KIF5C: variants seen among roughly 807,000 people sequenced by gnomAD.
KIF5C encodes kinesin heavy chain isoform 5C.
In KIF5C, 18 loss-of-function variants were observed where a neutral mutation model predicts 125.2. The observed-to-expected ratio is 0.14, with a 90% CI of 0.10 to 0.21. The LOEUF (loss-of-function observed/expected upper bound fraction) is 0.21. KIF5C is among the 10% of genes least tolerant of loss of function. KIF5C has a pLI of 1.00. For missense variants in KIF5C, 780 were observed against 1,183.8 expected (o/e 0.66, Z 5.01); for synonymous variants, 405 against 434.0 (o/e 0.93, Z 0.83).
At chr2:148,890,065 T>C (rs1264786601) in intron 1 of KIF5C, among the ~76,000 whole-genome samples, 1 of 152,220 alleles carries the variant, frequency 6.6e-6, no homozygotes, top group African/African-American at 2.4e-5. Flanking sequence ...GAGGTCCTTT[T>C]TGGTGCCTTA....
At chr2:148,943,136 C>T (rs1682445482) in intron 7 of KIF5C, among the ~76,000 whole-genome samples, 1 of 152,018 alleles carries the variant, frequency 6.6e-6, no homozygotes, top group Non-Finnish European at 1.5e-5. Context: ...AGTTCCAAAC[C>T]AACAAATTCT....
chr2:148,994,516 G>A lies in KIF5C; in HGVS notation c.2001G>A (p.Glu667=), dbSNP rs1321308825. 1 of 1,565,930 alleles carries A rather than the reference G, an allele frequency of 6.4e-7. No homozygotes were observed. Among genetic ancestry groups the A allele is most frequent in the South Asian group, 1.2e-5 (1 of 84,774 alleles). ...AGTCCCAGGACTCGCTCAGCGAAGA[G>A]CTGGCAAAGCTCCGAGCCCAGGGTA... ...LEESQDSLSE[E]LAKLRAQEKM... is the part of the protein sequence containing the mutation. Residue 667 remains glutamate, a synonymous_variant, in exon 17 of 26, where the codon GAG becomes GAA. Coordinates refer to ENST00000435030, the MANE Select transcript of KIF5C (RefSeq NM_004522.3).
intron 1 of KIF5C, among the ~76,000 whole-genome samples, chr2:148,905,136 C>A (rs912977769): frequency 6.6e-6 from 1 of 151,850 alleles, no homozygotes; most frequent in African/African-American, 2.4e-5. Flanking sequence ...TTTTCACTTA[C>A]AACAGTAATA....
chr2:148,998,245 G>A (rs890699138), intron 18 of KIF5C, 155 bp from the exon 19 acceptor site: 8 of 1,252,546 alleles, frequency 6.4e-6, no homozygotes, highest in South Asian at 3.1e-5. Context: ...AAGCAAGGCC[G>A]GGTCCTGGGG....
intron 1 of KIF5C, among the ~76,000 whole-genome samples, chr2:148,909,893 T>C (rs1474316464): frequency 1.3e-5 from 2 of 152,180 alleles, no homozygotes; most frequent in Admixed American, 1.3e-4. Flanking sequence ...TGTGCGACTA[T>C]TATGTGTTGT....
intron 1 of KIF5C, 53 bp downstream of exon 1, chr2:148,875,796 C>T: frequency 1.0e-5 from 16 of 1,560,282 alleles, no homozygotes; most frequent in Non-Finnish European, 1.4e-5. Flanking sequence ...CAGCTGGGCG[C>T]CCCGACGCCC....
chr2:148,922,562 C>T (rs1681830741), intron 2 of KIF5C, among the ~76,000 whole-genome samples: 1 of 152,074 alleles, frequency 6.6e-6, no homozygotes. Flanking sequence ...CCTCCTTTTT[C>T]CTTTGAAGGA....
intron 1 of KIF5C, among the ~76,000 whole-genome samples, chr2:148,914,705 C>T (rs1206721445): frequency 6.6e-6 from 1 of 150,472 alleles, no homozygotes; most frequent in Non-Finnish European, 1.5e-5. Flanking sequence ...TGGCTTTGGC[C>T]GGAACTGGCA....
intron 2 of KIF5C, among the ~76,000 whole-genome samples, chr2:148,927,739 T>C (rs1030062268): frequency 6.6e-6 from 1 of 152,178 alleles, no homozygotes; most frequent in East Asian, 1.9e-4. Context: ...GAATCTTTTC[T>C]TGGAGTAAGT....
At chr2:148,908,360 G>A (rs139773628) in intron 1 of KIF5C, among the ~76,000 whole-genome samples, 12 of 152,244 alleles carry the variant, frequency 7.9e-5, no homozygotes, top group African/African-American at 2.2e-4. Context: ...AGCTCTCTCC[G>A]TTTATTTAAA....
rs921293652 is a variant in KIF5C, at chr2:149,000,239, G to T, written c.2211-184G>T. On this transcript the variant is annotated intron_variant, in intron 19 of 25. Coordinates refer to ENST00000435030, the MANE Select transcript of KIF5C (RefSeq NM_004522.3). ...TTTCATGACTCTTAGATGCACCCCA[G>T]AAATTAGTTTTCACTTGGGCACGGA... The T allele has an allele frequency of 2.3e-5, 14 of 602,802 alleles. No individual in the cohort carries two copies. In the African/African-American group the frequency reaches 2.4e-4, roughly 10 times the overall value. The allele number at this position is 602,802 out of a possible 1,614,324, so 37.3% of individuals were successfully genotyped here.
intron 1 of KIF5C, among the ~76,000 whole-genome samples, chr2:148,913,310 A>G (rs1681416150): frequency 6.6e-6 from 1 of 152,198 alleles, no homozygotes; most frequent in African/African-American, 2.4e-5. Context: ...TGCCTTCCAC[A>G]TGGCCATGGG....
chr2:148,952,885 G>A (rs371484109), intron 10 of KIF5C, among the ~76,000 whole-genome samples: 21 of 152,236 alleles, frequency 1.4e-4, no homozygotes, highest in African/African-American at 4.6e-4. Flanking sequence ...ACAGTATTGC[G>A]GCTTGAAAAG....
At chr2:148,971,083 G>A (rs1436313179) in intron 11 of KIF5C, among the ~76,000 whole-genome samples, 2 of 152,160 alleles carry the variant, frequency 1.3e-5, no homozygotes, top group Non-Finnish European at 2.9e-5. Context: ...AAAAATTAGA[G>A]ATACAGTCAC....
intron 1 of KIF5C, chr2:148,879,704 T>G (rs1681294248): frequency 6.6e-6 from 1 of 152,226 alleles, no homozygotes; most frequent in Non-Finnish European, 1.5e-5. Flanking sequence ...GCCTATTGGT[T>G]TTGAAGCAAC....
At chr2:148,947,795 T>A (rs1178236329) in intron 8 of KIF5C, 3 of 433,844 alleles carry the variant, frequency 6.9e-6, no homozygotes, top group African/African-American at 6.0e-5. Context: ...AGCAAGGCCA[T>A]GTGCACAATG....
chr2:148,889,297 C>T (rs1681641635), intron 1 of KIF5C, among the ~76,000 whole-genome samples: 1 of 152,070 alleles, frequency 6.6e-6, no homozygotes, highest in Admixed American at 6.6e-5. Context: ...AATTTTTTTC[C>T]CTGTCTTTTC....
intron 11 of KIF5C, among the ~76,000 whole-genome samples, chr2:148,972,011 T>C (rs901667664): frequency 1.3e-5 from 2 of 152,212 alleles, no homozygotes; most frequent in Admixed American, 6.5e-5. Flanking sequence ...CTCGGCTCAT[T>C]GCAACCTTCG....
chr2:148,942,451 A>G (rs550158929), intron 6 of KIF5C, among the ~76,000 whole-genome samples: 1 of 152,158 alleles, frequency 6.6e-6, no homozygotes, highest in Non-Finnish European at 1.5e-5. Flanking sequence ...AAAATTTGAC[A>G]GTTCTTTTTT....
Sources: allele counts gnomAD v4.1 joint callset (sites outside exome capture counted in the v4.1 genomes callset), GRCh38; gene constraint gnomAD v4.1.1; transcripts MANE v1.5; gene names NCBI Gene and HGNC (gene_info 2026-07-23, HGNC 2026-07-21).